Variants in POF1B observed in about 807,000 individuals in gnomAD.
The protein encoded by POF1B is protein POF1B.
Under a neutral mutation model 55.3 loss-of-function variants are expected in POF1B, and 53 were observed. The observed-to-expected ratio is 0.96, with a 90% confidence interval of 0.77 to 1.20. The LOEUF (loss-of-function observed/expected upper bound fraction) is 1.20. Among genes scored for constraint, POF1B ranks in the 50% most tolerant of loss-of-function variants. POF1B has a pLI of 0.00. For missense variants in POF1B, 478 were observed against 420.5 expected, an observed-to-expected ratio of 1.14 and a Z score of -1.20; for synonymous variants, 188 against 148.3, an observed-to-expected ratio of 1.27 and a Z score of -1.95.
chrX:85,346,169 G>C (rs1373463327), intron 5 of POF1B, 127 bp from the exon 6 acceptor site: 1 of 488,537 alleles, frequency 2.0e-6, no homozygotes, highest in Non-Finnish European at 3.0e-6. Context: ...AGGATTTATA[G>C]ATTTAACTAG....
rs1569297610 is a variant in POF1B, at chrX:85,360,560, CA to C, written c.358-931del. Among the ~76,000 whole-genome samples the C allele has an allele frequency of 3.0e-3, 183 of 60,434 alleles. 8 individuals are homozygous for C. Among genetic ancestry groups the C allele is most frequent in the African/African-American group, 6.2e-3 (82 of 13,181 alleles). 52.5% of individuals were successfully genotyped at this position (60,434 alleles called of 115,157 possible). ...ATATATATATATATATATATATATA[CA>C]TATATACACATTTTCTTTATCCAAT... is the stretch of plus-strand genomic sequence containing the variant. On this transcript the variant is annotated intron_variant, in intron 3 of 16. Transcript: ENST00000262753.
intron 7 of POF1B, among the ~76,000 whole-genome samples, chrX:85,321,788 G>A (rs369046109): frequency 0.14 from 13,652 of 97,422 alleles, 1,536 homozygotes; most frequent in African/African-American, 0.28. Flanking sequence ...AAGCATTCTT[G>A]TACACCAACA....
chrX:85,303,377 T>C, intron 15 of POF1B, 29 bp downstream of exon 15: 1 of 954,643 alleles, frequency 1.0e-6, no homozygotes, highest in Non-Finnish European at 1.5e-6. Context: ...ATAATTTTTA[T>C]ATTCAAATTT....
intron 5 of POF1B, among the ~76,000 whole-genome samples, chrX:85,349,061 T>G (rs1328964829): frequency 1.8e-5 from 2 of 111,370 alleles, no homozygotes; most frequent in African/African-American, 6.5e-5. Flanking sequence ...GGTATCATAA[T>G]GTCCAGAAAT....
intron 3 of POF1B, among the ~76,000 whole-genome samples, chrX:85,367,122 T>C (rs1256875191): frequency 9.0e-6 from 1 of 111,347 alleles, no homozygotes; most frequent in East Asian, 2.8e-4. Context: ...TTTTTCTTTC[T>C]TCGAATTTAC....
chrX:85,333,329 T>G (rs1449139944), intron 6 of POF1B, among the ~76,000 whole-genome samples: 1 of 111,585 alleles, frequency 9.0e-6, no homozygotes, highest in Admixed American at 9.6e-5. Context: ...CTCAATTATT[T>G]TTAATTGTTT....
chrX:85,360,127 G>T (rs186691209), intron 3 of POF1B, among the ~76,000 whole-genome samples: 202 of 109,239 alleles, frequency 1.8e-3, no homozygotes, highest in African/African-American at 6.4e-3. Flanking sequence ...GGTTCATGTA[G>T]ATTTATTTAT....
chrX:85,347,386 A>C (rs2147935681), intron 5 of POF1B, among the ~76,000 whole-genome samples: 1 of 111,387 alleles, frequency 9.0e-6, no homozygotes, highest in East Asian at 2.8e-4. Flanking sequence ...AAAAAGTACA[A>C]AAGAATGAAA....
At chrX:85,287,094 A>G (rs927769409) in intron 15 of POF1B, among the ~76,000 whole-genome samples, 49 of 111,902 alleles carry the variant, frequency 4.4e-4, no homozygotes, top group African/African-American at 1.5e-3. Context: ...GGATGCAGGT[A>G]AAATAGTGCT....
At chrX:85,280,636 CA>C (rs1931875677) in intron 16 of POF1B, among the ~76,000 whole-genome samples, 2 of 111,015 alleles carry the variant, frequency 1.8e-5, no homozygotes, top group African/African-American at 3.3e-5. Context: ...AGTAGTTTGA[CA>C]GGTAGATAAT....
intron 6 of POF1B, among the ~76,000 whole-genome samples, chrX:85,338,707 T>C (rs1160116846): frequency 9.0e-6 from 1 of 111,349 alleles, no homozygotes; most frequent in African/African-American, 3.3e-5. Flanking sequence ...TTCAGCTGTA[T>C]GAGAGAGGTT....
At chrX:85,356,255 A>G (rs1368051314) in intron 4 of POF1B, among the ~76,000 whole-genome samples, 7 of 106,015 alleles carry the variant, frequency 6.6e-5, no homozygotes, top group Non-Finnish European at 1.4e-4. Context: ...TGGGAATTGA[A>G]CAATGAGAAC....
chrX:85,316,707 AT>A (rs1390332728), intron 7 of POF1B, among the ~76,000 whole-genome samples: 1 of 111,138 alleles, frequency 9.0e-6, no homozygotes, highest in Non-Finnish European at 1.9e-5. Flanking sequence ...TCCAAGATTG[AT>A]TTGTCTATTC....
At chrX:85,299,480 G>A (rs1932392767) in intron 15 of POF1B, among the ~76,000 whole-genome samples, 1 of 103,213 alleles carries the variant, frequency 9.7e-6, no homozygotes, top group African/African-American at 3.6e-5. Context: ...AGTAGAGACC[G>A]GGTTTCACCG....
rs1233206882 is a variant in POF1B at position 85,367,785 on chromosome X, G to A, written c.283-19C>T. The stretch of plus-strand genomic sequence containing the variant: ...GGAGTTCCTGTTAAGAGAAACAAAA[G>A]GGAGTTCAGAAATTATTTGAAAGTC... On this transcript the variant is annotated intron_variant, in intron 2 of 16. Coordinates refer to ENST00000262753, the MANE Select transcript of POF1B (RefSeq NM_024921.4). 2 of 1,025,856 alleles carry A rather than the reference G, an allele frequency of 1.9e-6. No homozygotes were observed. Among genetic ancestry groups the A allele is most frequent in the African/African-American group, 2.0e-5 (1 of 51,164 alleles). The allele number at this position is 1,025,856 out of a possible 1,213,427, so 84.5% of individuals were successfully genotyped here. A position where few individuals can be genotyped will look rare whatever the true frequency, so the allele number is the denominator to read the frequency against.
At chrX:85,306,419 C>A in intron 11 of POF1B, 86 bp from the exon 12 acceptor site, 2 of 957,795 alleles carry the variant, frequency 2.1e-6, no homozygotes, top group South Asian at 2.3e-5. Flanking sequence ...TCAATTGAAT[C>A]AAGTAAATAT....
At chrX:85,350,936 G>T (rs1053192365) in intron 5 of POF1B, among the ~76,000 whole-genome samples, 4 of 111,074 alleles carry the variant, frequency 3.6e-5, no homozygotes, top group African/African-American at 1.3e-4. Flanking sequence ...TACAGTATAT[G>T]GTATTTCACA....
intron 2 of POF1B, among the ~76,000 whole-genome samples, chrX:85,368,783 C>A (rs777353228): frequency 9.0e-6 from 1 of 111,561 alleles, no homozygotes; most frequent in African/African-American, 3.2e-5. Flanking sequence ...TCAAAACCAA[C>A]AAAACTGCAA....
intron 4 of POF1B, among the ~76,000 whole-genome samples, chrX:85,358,374 G>A (rs185265585): frequency 1.8e-5 from 2 of 111,153 alleles, no homozygotes; most frequent in African/African-American, 6.5e-5. Flanking sequence ...TCCTTGAGAA[G>A]AGCTGTATGC....
Sources: gnomAD v4.1 joint callset for allele counts (sites outside exome capture counted in the v4.1 genomes callset) on GRCh38, gnomAD v4.1.1 for gene constraint, MANE v1.5 for transcripts, NCBI Gene and HGNC (gene_info 2026-07-23, HGNC 2026-07-21) for gene names.